The following ADAMTSL3 variants were observed in gnomAD, a reference collection of about 807,000 sequenced individuals.
The protein encoded by ADAMTSL3 is ADAMTS like 3, also known as ADAMTS-like protein 3.
A neutral mutation model predicts 201.7 loss-of-function variants in ADAMTSL3; 128 were observed. The observed-to-expected ratio is 0.63, with a 90% CI of 0.55 to 0.73. ADAMTSL3 has a LOEUF of 0.73. Ranked by LOEUF, ADAMTSL3 falls within the 30% of genes least tolerant of loss-of-function variation. The pLI, the probability that ADAMTSL3 is intolerant of heterozygous loss-of-function variation, is 0.00. For synonymous variants in ADAMTSL3, 738 were observed against 748.4 expected (o/e 0.99, Z 0.23); for missense variants, 1,990 against 2,119.6 (o/e 0.94, Z 1.20).
intron 19 of ADAMTSL3, among the ~76,000 whole-genome samples, chr15:83,951,247 G>A (rs761222437): frequency 5.3e-5 from 8 of 151,350 alleles, no homozygotes; most frequent in African/African-American, 1.5e-4. Context: ...ATTTTATCAC[G>A]TGCTTGTTTG....
intron 20 of ADAMTSL3, among the ~76,000 whole-genome samples, chr15:83,975,221 C>G (rs1313442093): frequency 6.6e-6 from 1 of 151,818 alleles, no homozygotes; most frequent in Non-Finnish European, 1.5e-5. Context: ...CCAGGATGGT[C>G]TTGATCTCCT....
intron 3 of ADAMTSL3, among the ~76,000 whole-genome samples, chr15:83,752,367 TCC>T (rs2062649979): frequency 6.6e-6 from 1 of 152,130 alleles, no homozygotes; most frequent in Non-Finnish European, 1.5e-5. Flanking sequence ...TTTAAAAAAA[TCC>T]CATACTGGAT....
At chr15:83,736,675 C>A (rs1337038446) in intron 3 of ADAMTSL3, among the ~76,000 whole-genome samples, 1 of 152,128 alleles carries the variant, frequency 6.6e-6, no homozygotes, top group African/African-American at 2.4e-5. Context: ...TGGAGCTGAG[C>A]AGTGCATGAC....
At chr15:83,797,393 A>G (rs1165686258) in intron 4 of ADAMTSL3, among the ~76,000 whole-genome samples, 1 of 152,146 alleles carries the variant, frequency 6.6e-6, no homozygotes, top group Admixed American at 6.6e-5. Flanking sequence ...TGCGCGGATC[A>G]CTTGCGGTCA....
chr15:83,694,139 G>C (rs989939556), intron 2 of ADAMTSL3, among the ~76,000 whole-genome samples: 2 of 152,166 alleles, frequency 1.3e-5, no homozygotes, highest in Non-Finnish European at 2.9e-5. Context: ...CTGTCAGGGC[G>C]TGGAAGCGAT....
chr15:83,829,158 G>A (rs1242135083), intron 6 of ADAMTSL3, among the ~76,000 whole-genome samples: 1 of 152,034 alleles, frequency 6.6e-6, no homozygotes, highest in Non-Finnish European at 1.5e-5. Context: ...TCTGGTCCTG[G>A]ACTTTTTTTG....
chr15:83,852,191 T>C (rs2064630704), intron 7 of ADAMTSL3, among the ~76,000 whole-genome samples: 1 of 122,758 alleles, frequency 8.1e-6, no homozygotes, highest in Non-Finnish European at 1.9e-5. Flanking sequence ...CGGCTCACTA[T>C]GACCCCCGCC....
In ADAMTSL3 at chr15:83,819,985, G is replaced by A; in HGVS notation, c.538G>A (p.Val180Ile). ...QNLVVELAPKVLDGTRCNTDS... is the reference protein window; with the variant it reads ...QNLVVELAPKILDGTRCNTDS... The stretch of plus-strand genomic sequence containing the variant: ...CTTGGTGGTGGAGCTGGCACCTAAG[G>A]TACTGGATGGAACTCGTTGCAACAC... The change falls in exon 6 of 30, where the codon GTA (valine) becomes ATA (isoleucine). Residue 180 changes from valine (V) to isoleucine (I), a missense_variant. Val to Ile is a conservative substitution (Grantham distance 29). Transcript: ENST00000286744. The A allele has an allele frequency of 6.2e-7, 1 of 1,614,138 alleles. No individual in the cohort carries two copies. The highest frequency in any genetic ancestry group is 1.1e-5 in the South Asian group (1 of 91,082).
chr15:84,022,431 A>G (rs953676444), intron 26 of ADAMTSL3, among the ~76,000 whole-genome samples: 2 of 152,242 alleles, frequency 1.3e-5, no homozygotes, highest in African/African-American at 4.8e-5. Context: ...AATTGATTAT[A>G]AAGTGTCTAA....
chr15:83,709,223 C>T (rs915741447), intron 3 of ADAMTSL3, among the ~76,000 whole-genome samples: 2 of 152,124 alleles, frequency 1.3e-5, no homozygotes, highest in African/African-American at 4.8e-5. Context: ...TTAATAGAAG[C>T]CACAATTTTT....
chr15:84,021,031 C>A (rs543057173), intron 25 of ADAMTSL3, among the ~76,000 whole-genome samples: 6 of 152,152 alleles, frequency 3.9e-5, no homozygotes, highest in African/African-American at 1.2e-4. Flanking sequence ...AAATTGAACC[C>A]GTTAGGGCAT....
chr15:84,029,651 GCTGAGGA>G (rs1395642545), intron 27 of ADAMTSL3, among the ~76,000 whole-genome samples: 2 of 5,648 alleles, frequency 3.5e-4, no homozygotes, highest in African/African-American at 5.2e-3. Context: ...TTTCTGAGGA[GCTGAGGA>G]GAAATTCAAG....
At chr15:83,882,145 GA>G (rs963059582) in intron 9 of ADAMTSL3, among the ~76,000 whole-genome samples, 1 of 152,120 alleles carries the variant, frequency 6.6e-6, no homozygotes, top group African/African-American at 2.4e-5. Flanking sequence ...GACAGAGCGA[GA>G]CTCTGTGTCA....
intron 20 of ADAMTSL3, 23 bp downstream of exon 20, chr15:83,970,660 TCAC>T (rs781100499): frequency 6.3e-5 from 101 of 1,611,988 alleles, no homozygotes; most frequent in Non-Finnish European, 8.1e-5. Context: ...TGTCCGCGCT[TCAC>T]CAAGATATGC....
chr15:83,787,265 A>C (rs912435332), intron 4 of ADAMTSL3, among the ~76,000 whole-genome samples: 9 of 152,154 alleles, frequency 5.9e-5, no homozygotes, highest in African/African-American at 2.2e-4. Flanking sequence ...TCCACAATTG[A>C]GACAAAATTT....
At chr15:83,921,781 C>A (rs1251251506) in intron 16 of ADAMTSL3, among the ~76,000 whole-genome samples, 5 of 152,096 alleles carry the variant, frequency 3.3e-5, no homozygotes, top group African/African-American at 1.2e-4. Context: ...GCCTCCTGGG[C>A]TGAAGTGATC....
chr15:83,667,853 G>T (rs951342854), intron 2 of ADAMTSL3, among the ~76,000 whole-genome samples: 1 of 152,010 alleles, frequency 6.6e-6, no homozygotes, highest in Non-Finnish European at 1.5e-5. Context: ...GGATGAAGGG[G>T]TGGGTGGGTG....
intron 9 of ADAMTSL3, 34 bp from the exon 10 acceptor site, chr15:83,885,067 T>A: frequency 2.1e-6 from 3 of 1,459,494 alleles, no homozygotes; most frequent in Non-Finnish European, 2.9e-6. Flanking sequence ...AGCTCCTTGT[T>A]TGCACGTGTG....
intron 23 of ADAMTSL3, among the ~76,000 whole-genome samples, chr15:84,010,359 A>G (rs1050263472): frequency 2.0e-5 from 3 of 152,358 alleles, no homozygotes; most frequent in Non-Finnish European, 2.9e-5. Context: ...GGATTTTACT[A>G]TACAGTCAGT....
Sources: allele counts gnomAD v4.1 joint callset (sites outside exome capture counted in the v4.1 genomes callset), GRCh38; gene constraint gnomAD v4.1.1; transcripts MANE v1.5; gene names NCBI Gene and HGNC (gene_info 2026-07-23, HGNC 2026-07-21).